FTO: variants seen among roughly 807,000 people sequenced by gnomAD.
FTO encodes FTO alpha-ketoglutarate dependent dioxygenase.
A neutral mutation model predicts 63.9 loss-of-function variants in FTO; 47 were observed. The observed-to-expected ratio is 0.74, with a 90% confidence interval of 0.58 to 0.94. FTO has a LOEUF of 0.94. FTO is among the 40% of genes least tolerant of loss of function. FTO has a pLI of 0.00. For missense variants in FTO, 562 were observed against 618.1 expected (o/e 0.91, Z 0.96); for synonymous variants, 207 against 224.4 (o/e 0.92, Z 0.69).
intron 1 of FTO, among the ~76,000 whole-genome samples, chr16:53,768,688 T>A (rs1462989988): frequency 6.6e-6 from 1 of 152,168 alleles, no homozygotes; most frequent in Non-Finnish European, 1.5e-5. Flanking sequence ...TTATGAGTCA[T>A]CTGAAATATG....
At chr16:53,709,898 C>A (rs1248903961) in intron 1 of FTO, among the ~76,000 whole-genome samples, 1 of 152,154 alleles carries the variant, frequency 6.6e-6, no homozygotes, top group Non-Finnish European at 1.5e-5. Flanking sequence ...AATATAAACA[C>A]AATCAATTGT....
intron 8 of FTO, among the ~76,000 whole-genome samples, chr16:54,014,184 C>A (rs2084385778): frequency 6.6e-6 from 1 of 152,116 alleles, no homozygotes; most frequent in African/African-American, 2.4e-5. Flanking sequence ...CTTACAATGA[C>A]CTCCTGATAT....
intron 8 of FTO, among the ~76,000 whole-genome samples, chr16:53,953,753 A>G (rs1258088956): frequency 2.0e-5 from 3 of 152,240 alleles, no homozygotes; most frequent in Non-Finnish European, 4.4e-5. Flanking sequence ...TTTTATAGCC[A>G]CAGAAGCCAT....
chr16:53,844,912 GT>G lies in FTO; in HGVS notation c.895+628del, dbSNP rs57121366. ...TCCGTATTAGTTTTTAGTAGTGAGA[GT>G]TTTTTTTTTTTTTCTTCTAGTTTTG... On this transcript the variant is annotated intron_variant, in intron 4 of 8. Coordinates refer to ENST00000471389, the MANE Select transcript of FTO (RefSeq NM_001080432.3). Among the ~76,000 whole-genome samples the G allele has an allele frequency of 3.9e-3, 571 of 147,150 alleles. 1 individual carries two copies. The highest frequency in any genetic ancestry group is 0.013 in the African/African-American group (530 of 40,286).
intron 8 of FTO, chr16:54,071,609 A>G (rs1480167924): frequency 1.3e-5 from 2 of 152,072 alleles, no homozygotes; most frequent in African/African-American, 2.4e-5. Flanking sequence ...TACTGTTATT[A>G]TGGCTGTAGG....
intron 8 of FTO, among the ~76,000 whole-genome samples, chr16:53,969,217 TC>T (rs1376499331): frequency 0.012 from 1,858 of 152,318 alleles, 43 homozygotes; most frequent in African/African-American, 0.043. Context: ...AAAAGAATCT[TC>T]TGTATTGTAT....
intron 8 of FTO, among the ~76,000 whole-genome samples, chr16:54,107,004 A>G (rs1277481155): frequency 6.2e-5 from 9 of 145,744 alleles, no homozygotes; most frequent in Non-Finnish European, 1.2e-4. Context: ...CACATTACAT[A>G]TTATATATTA....
intron 7 of FTO, among the ~76,000 whole-genome samples, chr16:53,923,711 T>C (rs545189772): frequency 1.3e-5 from 2 of 151,952 alleles, no homozygotes; most frequent in East Asian, 3.9e-4. Context: ...GACAAGTACA[T>C]GGGGCTGTTT....
chr16:53,722,926 C>T (rs914020272), intron 1 of FTO, among the ~76,000 whole-genome samples: 4 of 152,048 alleles, frequency 2.6e-5, no homozygotes, highest in Non-Finnish European at 5.9e-5. Context: ...TTTGGTGGCT[C>T]TTTACCTATC....
chr16:53,808,100 G>A (rs62033419), intron 1 of FTO, among the ~76,000 whole-genome samples: 18 of 152,084 alleles, frequency 1.2e-4, no homozygotes, highest in East Asian at 3.9e-4. Flanking sequence ...AGGCCAAGGC[G>A]GGCAGATCAT....
chr16:53,744,696 CCT>C (rs1283274802), intron 1 of FTO, among the ~76,000 whole-genome samples: 1 of 152,136 alleles, frequency 6.6e-6, no homozygotes, highest in Non-Finnish European at 1.5e-5. Context: ...CAAATGAGCC[CCT>C]GACACCTGAT....
intron 6 of FTO, among the ~76,000 whole-genome samples, chr16:53,880,389 A>C (rs556395147): frequency 1.3e-3 from 196 of 152,318 alleles, no homozygotes; most frequent in South Asian, 1.0e-3. Context: ...ATAAGACGTG[A>C]GACTCTTAGG....
At chr16:53,991,933 G>C (rs1486635706) in intron 8 of FTO, 2 of 152,162 alleles carry the variant, frequency 1.3e-5, no homozygotes, top group Admixed American at 1.3e-4. Flanking sequence ...GCCAGGAACT[G>C]TAGGATGGGG....
chr16:53,780,406 C>T (rs28500763), intron 1 of FTO, among the ~76,000 whole-genome samples: 4,700 of 152,202 alleles, frequency 0.031, 84 homozygotes, highest in South Asian at 0.08. Flanking sequence ...TGAGCTACAG[C>T]GGTTTCCCTC....
chr16:53,915,713 G>T (rs1028170460), intron 7 of FTO, among the ~76,000 whole-genome samples: 1 of 152,186 alleles, frequency 6.6e-6, no homozygotes, highest in African/African-American at 2.4e-5. Context: ...AATACCCATT[G>T]TCTGAACCCC....
chr16:54,090,713 C>T (rs531278594), intron 8 of FTO, among the ~76,000 whole-genome samples: 1 of 152,274 alleles, frequency 6.6e-6, no homozygotes, highest in East Asian at 1.9e-4. Context: ...TTAAAACAAC[C>T]ACAGTTTATT....
chr16:53,824,509 G>C (rs544430738), intron 2 of FTO, among the ~76,000 whole-genome samples: 4 of 151,980 alleles, frequency 2.6e-5, no homozygotes, highest in Non-Finnish European at 4.4e-5. Flanking sequence ...ACAATTTGGG[G>C]TTGCTTTTCT....
At chr16:53,906,602 G>A (rs1050164371) in intron 7 of FTO, among the ~76,000 whole-genome samples, 29 of 152,186 alleles carry the variant, frequency 1.9e-4, no homozygotes, top group African/African-American at 6.3e-4. Context: ...AGGTGGATCC[G>A]ATTTCAAAGC....
chr16:53,937,334 C>T (rs1457878855), intron 8 of FTO: 7 of 398,498 alleles, frequency 1.8e-5, no homozygotes, highest in South Asian at 1.3e-4. Flanking sequence ...TCTGAAGATT[C>T]GCCTTTGTTT....
Sources: allele counts gnomAD v4.1 joint callset (sites outside exome capture counted in the v4.1 genomes callset), GRCh38; gene constraint gnomAD v4.1.1; transcripts MANE v1.5; gene names NCBI Gene and HGNC (gene_info 2026-07-23, HGNC 2026-07-21).